SGK3: variants seen among roughly 807,000 people sequenced by gnomAD.
SGK3 encodes the protein serum/glucocorticoid regulated kinase family member 3.
A neutral mutation model predicts 68.5 loss-of-function variants in SGK3; 47 were observed. The ratio of observed to expected loss-of-function variants is 0.69; its 90% CI spans 0.54 to 0.87. The LOEUF is 0.87. Among genes scored for constraint, SGK3 ranks in the 40% least tolerant of loss-of-function variants. The pLI is 0.00. For synonymous variants in SGK3, 181 were observed against 189.1 expected (o/e 0.96, Z 0.35); for missense variants, 479 against 575.5 (o/e 0.83, Z 1.72).
intron 4 of SGK3, among the ~76,000 whole-genome samples, chr8:66,811,101 C>T (rs981248630): frequency 6.6e-6 from 1 of 152,208 alleles, no homozygotes; most frequent in African/African-American, 2.4e-5. Context: ...ACTGCAACCT[C>T]TGCCTCCCAA....
intron 14 of SGK3, among the ~76,000 whole-genome samples, chr8:66,843,993 C>CAAAAA (rs11311018): frequency 1.4e-5 from 1 of 71,410 alleles, no homozygotes; most frequent in Non-Finnish European, 2.5e-5. Flanking sequence ...GACTCTGTCT[C>CAAAAA]AAAAAAAAAA....
chr8:66,746,607 G>A (rs983404161), intron 1 of SGK3, among the ~76,000 whole-genome samples: 23 of 152,030 alleles, frequency 1.5e-4, no homozygotes, highest in African/African-American at 5.6e-4. Flanking sequence ...AGAGTGGAGT[G>A]CAGTAGCATA....
intron 1 of SGK3, among the ~76,000 whole-genome samples, chr8:66,789,483 T>A (rs1321067374): frequency 6.6e-6 from 1 of 152,296 alleles, no homozygotes; most frequent in African/African-American, 2.4e-5. Flanking sequence ...ACTAAGTATA[T>A]CTGTTTCCAC....
rs191434660 is a variant in SGK3, at chr8:66,826,667, G to C, written c.418-1987G>C. On this transcript the variant is annotated intron_variant, in intron 6 of 16. Coordinates refer to ENST00000521198, the MANE Select transcript of SGK3 (RefSeq NM_001033578.3). Reference sequence around the variant, plus strand: ...TTTATTTTATTTTATTTTATTTTGAGACAGTCTCATTTTGTCACCCACGGT... The same window carrying C: ...TTTATTTTATTTTATTTTATTTTGACACAGTCTCATTTTGTCACCCACGGT... 1.3e-3 allele frequency among the ~76,000 whole-genome samples: 192 copies of C among 144,922 alleles called. 3 individuals are homozygous for C. Among genetic ancestry groups the C allele is most frequent in the Admixed American group, 0.011 (162 of 14,934 alleles).
At chr8:66,773,068 T>C (rs760857155) in intron 1 of SGK3, among the ~76,000 whole-genome samples, 29 of 152,240 alleles carry the variant, frequency 1.9e-4, no homozygotes, top group Non-Finnish European at 4.0e-4. Context: ...TAGCTAGGAC[T>C]GAGAAGAGGG....
chr8:66,840,101 C>G lies in SGK3; in HGVS notation c.840C>G (p.Ile280Met). 13 of 1,613,778 alleles carry G rather than the reference C, an allele frequency of 8.1e-6. No individual in the cohort carries two copies. Among genetic ancestry groups the G allele is most frequent in the Non-Finnish European group, 1.1e-5 (13 of 1,179,908 alleles). Residue 280 changes from isoleucine (I) to methionine (M), a missense_variant, in exon 11 of 17, where the codon ATC becomes ATG. Physicochemically the swap from Ile to Met is conservative, Grantham distance 10. This residue lies in a region of SGK3 where 298 missense variants were observed against 329.4 expected (regional missense o/e 0.90). Coordinates refer to ENST00000521198, the MANE Select transcript of SGK3 (RefSeq NM_001033578.3). ...IASALGYLHS[I>M]KIVYRDLKPE... ...GTGCATTGGGTTACTTACATTCCAT[C>G]AAAATAGTATACAGGTACAATTTTA...
At chr8:66,719,390 G>A (rs1425485322) in intron 1 of SGK3, among the ~76,000 whole-genome samples, 7 of 151,994 alleles carry the variant, frequency 4.6e-5, no homozygotes, top group Non-Finnish European at 1.0e-4. Context: ...GCAGTGGCAC[G>A]ACTGTGACTC....
chr8:66,742,158 T>C (rs1424553210), intron 1 of SGK3, among the ~76,000 whole-genome samples: 1 of 152,246 alleles, frequency 6.6e-6, no homozygotes, highest in Non-Finnish European at 1.5e-5. Context: ...TCTGTATTAC[T>C]GTAATAGATC....
intron 1 of SGK3, among the ~76,000 whole-genome samples, chr8:66,723,131 A>ATATATATATTTTTTT (rs1554591219): frequency 3.4e-5 from 1 of 29,496 alleles, no homozygotes; most frequent in African/African-American, 1.2e-4. Flanking sequence ...ATATATATAT[A>ATATATATATTTTTTT]TTTTTTTTTT....
intron 1 of SGK3, among the ~76,000 whole-genome samples, chr8:66,724,418 A>G (rs1387171009): frequency 2.0e-5 from 3 of 152,192 alleles, no homozygotes; most frequent in African/African-American, 7.2e-5. Flanking sequence ...TCTACTAAAA[A>G]TACAAAAATT....
chr8:66,714,734 C>G (rs1357976929), intron 1 of SGK3, among the ~76,000 whole-genome samples: 1 of 152,162 alleles, frequency 6.6e-6, no homozygotes, highest in East Asian at 1.9e-4. Flanking sequence ...CAGACATACT[C>G]CTTTACCTTT....
intron 13 of SGK3, among the ~76,000 whole-genome samples, chr8:66,841,791 G>T (rs1809806907): frequency 1.3e-5 from 2 of 152,112 alleles, no homozygotes; most frequent in South Asian, 4.1e-4. Context: ...TTCTAATCAT[G>T]TTAGCTAGCA....
At chr8:66,798,398 G>T in intron 2 of SGK3, 144 bp from the exon 3 acceptor site, 1 of 562,454 alleles carries the variant, frequency 1.8e-6, no homozygotes, top group Non-Finnish European at 3.0e-6. Context: ...TATCAGTTTC[G>T]GAATATGAAA....
At chr8:66,773,517 T>G (rs1806584024) in intron 1 of SGK3, among the ~76,000 whole-genome samples, 4 of 152,200 alleles carry the variant, frequency 2.6e-5, no homozygotes, top group Admixed American at 2.6e-4. Flanking sequence ...TACAATAACA[T>G]TTACTCTCTA....
intron 1 of SGK3, among the ~76,000 whole-genome samples, chr8:66,730,962 C>T (rs1805133649): frequency 6.6e-6 from 1 of 152,122 alleles, no homozygotes; most frequent in Middle Eastern, 3.2e-3. Flanking sequence ...GCTGGGGTTA[C>T]AGGCGTGAGC....
intron 14 of SGK3, among the ~76,000 whole-genome samples, chr8:66,844,074 T>G (rs1809912490): frequency 6.6e-6 from 1 of 151,978 alleles, no homozygotes; most frequent in African/African-American, 2.4e-5. Flanking sequence ...TCTCTGCTAT[T>G]CTAATAACTA....
chr8:66,779,720 A>G (rs981954419), intron 1 of SGK3, among the ~76,000 whole-genome samples: 1 of 149,768 alleles, frequency 6.7e-6, no homozygotes, highest in Non-Finnish European at 1.5e-5. Context: ...ATGTTAAAAT[A>G]TTAAGGTAAA....
chr8:66,762,249 G>A (rs997897078), intron 1 of SGK3, among the ~76,000 whole-genome samples: 4 of 152,112 alleles, frequency 2.6e-5, no homozygotes, highest in Non-Finnish European at 5.9e-5. Flanking sequence ...GATTACAGAC[G>A]TGAGCCACCG....
intron 1 of SGK3, among the ~76,000 whole-genome samples, chr8:66,786,402 T>C (rs1442176889): frequency 6.6e-6 from 1 of 152,164 alleles, no homozygotes; most frequent in Admixed American, 6.5e-5. Context: ...GTTAGGGCTA[T>C]TGTGAGGAGC....
Sources: gnomAD v4.1 joint callset for allele counts (sites outside exome capture counted in the v4.1 genomes callset) on GRCh38, gnomAD v4.1.1 for gene constraint, gnomAD v4.1.1 regional missense constraint, MANE v1.5 for transcripts, NCBI Gene and HGNC (gene_info 2026-07-23, HGNC 2026-07-21) for gene names.